WWOX: variants seen among roughly 807,000 people sequenced by gnomAD.
WWOX encodes the protein WW domain containing oxidoreductase.
WWOX carries 69 observed loss-of-function variants against 46.2 expected under a neutral mutation model. That is an observed-to-expected ratio of 1.49 (90% CI 1.23 to 1.82). The LOEUF is 1.82. WWOX is among the 40% of genes most tolerant of loss of function. The pLI, the probability that WWOX is intolerant of heterozygous loss-of-function variation, is 0.00. For synonymous variants in WWOX, 359 were observed against 202.6 expected, an observed-to-expected ratio of 1.77 and a Z score of -6.56; for missense variants, 919 against 542.6, an observed-to-expected ratio of 1.69 and a Z score of -6.89.
chr16:78,334,792 C>CCACA (rs879936910), intron 5 of WWOX, among the ~76,000 whole-genome samples: 5 of 131,138 alleles, frequency 3.8e-5, no homozygotes, highest in African/African-American at 1.5e-4. Flanking sequence ...AGTCTCCCCT[C>CCACA]CACACACACA....
chr16:79,012,964 G>C (rs544552212), intron 8 of WWOX, among the ~76,000 whole-genome samples: 1 of 152,338 alleles, frequency 6.6e-6, no homozygotes, highest in East Asian at 1.9e-4. Context: ...GGCCGAGGCG[G>C]GTGGATCGCC....
chr16:78,972,064 A>G (rs2046481561), intron 8 of WWOX, among the ~76,000 whole-genome samples: 1 of 152,272 alleles, frequency 6.6e-6, no homozygotes, highest in South Asian at 2.1e-4. Context: ...ATCTGCCGGA[A>G]GGTCTCCCCG....
At chr16:78,234,489 A>G (rs1422715090) in intron 5 of WWOX, among the ~76,000 whole-genome samples, 4 of 152,192 alleles carry the variant, frequency 2.6e-5, no homozygotes, top group Non-Finnish European at 4.4e-5. Flanking sequence ...AGAGCTTACA[A>G]GTTATTCAAC....
At chr16:78,358,797 A>G (rs774035365) in intron 5 of WWOX, among the ~76,000 whole-genome samples, 9 of 151,128 alleles carry the variant, frequency 6.0e-5, no homozygotes, top group Non-Finnish European at 1.0e-4. Context: ...ATTACTGTGA[A>G]TTTTGTGTAG....
intron 3 of WWOX, among the ~76,000 whole-genome samples, chr16:78,110,775 T>A (rs1298733088): frequency 1.3e-5 from 2 of 152,174 alleles, no homozygotes; most frequent in Non-Finnish European, 2.9e-5. Flanking sequence ...ATCCCTAGCT[T>A]ACTGCCAGTG....
chr16:78,972,286 T>A (rs1269570518), intron 8 of WWOX, among the ~76,000 whole-genome samples: 2 of 152,138 alleles, frequency 1.3e-5, no homozygotes, highest in Admixed American at 6.5e-5. Context: ...TTAAGACATC[T>A]GCTCAGAGTC....
rs112386342 is a variant in WWOX at position 78,613,514 on chromosome 16, C to G, written c.1056+180762C>G. 1.7e-4 allele frequency among the ~76,000 whole-genome samples: 26 copies of G among 152,268 alleles called. No individual in the cohort carries two copies. The South Asian group carries it at 2.3e-3, about 13-fold the overall frequency. On this transcript the variant is annotated intron_variant, in intron 8 of 8. Transcript: ENST00000566780. The stretch of plus-strand genomic sequence containing the variant: ...CTCCCCCTTACAAGGGACATTTATG[C>G]TTTCTCCCTCTACAAAACCTGCATG...
intron 5 of WWOX, among the ~76,000 whole-genome samples, chr16:78,271,188 C>G (rs763475361): frequency 1.5e-4 from 23 of 152,146 alleles, no homozygotes; most frequent in Admixed American, 1.4e-3. Context: ...AAAACAATTA[C>G]CTTTGATGAT....
chr16:78,710,079 C>T (rs1280699270), intron 8 of WWOX, among the ~76,000 whole-genome samples: 2 of 151,900 alleles, frequency 1.3e-5, no homozygotes, highest in Admixed American at 1.3e-4. Flanking sequence ...TGTTTATTTT[C>T]TGCTATTTCG....
At chr16:79,022,344 C>CAAAAAAAAAAAAAA (rs10654627) in intron 8 of WWOX, among the ~76,000 whole-genome samples, 1 of 71,218 alleles carries the variant, frequency 1.4e-5, no homozygotes. Context: ...CAATCTGTGG[C>CAAAAAAAAAAAAAA]AAAAAAAAAA....
intron 5 of WWOX, among the ~76,000 whole-genome samples, chr16:78,306,607 T>C (rs950274814): frequency 2.0e-5 from 3 of 152,252 alleles, no homozygotes; most frequent in Middle Eastern, 3.4e-3. Context: ...AGTTGAGACA[T>C]TGCCTTCCCA....
At chr16:78,554,743 C>A (rs2044248983) in intron 8 of WWOX, among the ~76,000 whole-genome samples, 1 of 152,088 alleles carries the variant, frequency 6.6e-6, no homozygotes, top group African/African-American at 2.4e-5. Flanking sequence ...GATTTGGTTC[C>A]TCAGCTCCCT....
intron 8 of WWOX, among the ~76,000 whole-genome samples, chr16:79,043,964 G>C (rs562847163): frequency 7.5e-4 from 114 of 152,252 alleles, no homozygotes; most frequent in Non-Finnish European, 1.3e-3. Flanking sequence ...CTGTGGTTTG[G>C]TCCTTGTGGC....
At chr16:79,169,380 C>T (rs967946388) in intron 8 of WWOX, among the ~76,000 whole-genome samples, 1 of 152,196 alleles carries the variant, frequency 6.6e-6, no homozygotes, top group Non-Finnish European at 1.5e-5. Flanking sequence ...CTGCCTGTCA[C>T]GTCTTCATCT....
chr16:78,747,141 A>G (rs929176393), intron 8 of WWOX, among the ~76,000 whole-genome samples: 8 of 149,738 alleles, frequency 5.3e-5, no homozygotes, highest in African/African-American at 2.0e-4. Flanking sequence ...GCTTTTGTAC[A>G]TGTTGTTTCT....
intron 5 of WWOX, among the ~76,000 whole-genome samples, chr16:78,305,833 C>G (rs1005722009): frequency 6.6e-6 from 1 of 152,100 alleles, no homozygotes; most frequent in Non-Finnish European, 1.5e-5. Flanking sequence ...ACAACATTGC[C>G]ATAACCAGTA....
In WWOX at chr16:78,278,630, A is replaced by G. The variant is rs77067228; in HGVS notation, c.517-108230A>G. ...AACAAAATACCACCCTCCGCCAGAA[A>G]AGTGCAGAATAAAAATTTTCCACTA... On this transcript the variant is annotated intron_variant, in intron 5 of 8. Coordinates refer to ENST00000566780, the MANE Select transcript of WWOX (RefSeq NM_016373.4). The G allele has an allele frequency of 0.069, 109,387 of 1,582,658 alleles. 4,949 individuals carry two copies. Among genetic ancestry groups the G allele is most frequent in the South Asian group, 0.1 (9,376 of 89,754 alleles).
chr16:78,734,013 T>C (rs139342341), intron 8 of WWOX, among the ~76,000 whole-genome samples: 155 of 152,068 alleles, frequency 1.0e-3, no homozygotes, highest in African/African-American at 3.5e-3. Flanking sequence ...TGAGTCATGA[T>C]CATGCCACTG....
At chr16:79,155,525 G>A (rs1008058353) in intron 8 of WWOX, among the ~76,000 whole-genome samples, 7 of 147,690 alleles carry the variant, frequency 4.7e-5, no homozygotes, top group African/African-American at 1.6e-4. Context: ...CTTTTAGATC[G>A]TAGACCATAA....
Sources: gnomAD v4.1 joint callset for allele counts (sites outside exome capture counted in the v4.1 genomes callset) on GRCh38, gnomAD v4.1.1 for gene constraint, MANE v1.5 for transcripts, NCBI Gene and HGNC (gene_info 2026-07-23, HGNC 2026-07-21) for gene names.